Variants in ABHD15 observed in about 807,000 individuals in gnomAD.
The protein encoded by ABHD15 is abhydrolase domain containing 15, also known as protein ABHD15.
A neutral mutation model predicts 34.4 loss-of-function variants in ABHD15; 34 were observed. The ratio of observed to expected loss-of-function variants is 0.99; its 90% confidence interval spans 0.75 to 1.32. ABHD15 has a LOEUF of 1.32. Among genes scored for constraint, ABHD15 ranks in the 40% most tolerant of loss-of-function variants. The probability of loss-of-function intolerance (pLI) is 0.00; values close to 1 mark genes in which losing one functional copy is unlikely to be tolerated. For missense variants in ABHD15, 644 were observed against 650.4 expected (o/e 0.99, Z 0.11); for synonymous variants, 314 against 299.2 (o/e 1.05, Z -0.51).
At chr17:29,566,035 A>C (rs1257820475) in intron 1 of ABHD15, 51 bp downstream of exon 1, 3 of 1,504,178 alleles carry the variant, frequency 2.0e-6, no homozygotes, top group Non-Finnish European at 2.7e-6. Flanking sequence ...ATTCTTAGCC[A>C]GCTCAGGCCC....
At chr17:29,563,756 AG>A (rs2150789349) in intron 1 of ABHD15, among the ~76,000 whole-genome samples, 1 of 152,264 alleles carries the variant, frequency 6.6e-6, no homozygotes, top group Non-Finnish European at 1.5e-5. Flanking sequence ...GCTACTTGGG[AG>A]GCTGAGGCAG....
Position 29,566,298 on chromosome 17 carries a change from G to T in ABHD15, c.669C>A (p.Arg223=), listed in dbSNP as rs766462600. The change falls in exon 1 of 2, where the codon CGC becomes CGA. Residue 223 remains arginine (R), a synonymous_variant. Coordinates refer to ENST00000307201, the MANE Select transcript of ABHD15 (RefSeq NM_198147.3). ...SDLKEAVTYI[R]FRHPAAPLFA... ...ACAGCGGCGCCGCCGGGTGTCGGAAGCGGATGTATGTGACCGCCTCCTTGA... is the reference window on the plus strand; with the variant it reads ...ACAGCGGCGCCGCCGGGTGTCGGAATCGGATGTATGTGACCGCCTCCTTGA... 6.2e-7 allele frequency: 1 copy of T among 1,611,562 alleles called. No individual in the cohort carries two copies.
chr17:29,561,517 G>A lies in ABHD15; in HGVS notation c.*1044C>T, dbSNP rs990095033. The A allele has an allele frequency of 6.6e-6, 1 of 152,202 alleles. No individual in the cohort carries two copies. The highest frequency in any genetic ancestry group is 2.4e-5 in the African/African-American group (1 of 41,440). 9.4% of individuals were successfully genotyped at this position (152,202 alleles called of 1,614,324 possible). On this transcript the variant is annotated 3_prime_UTR_variant, in exon 2 of 2. Transcript: ENST00000307201. ...TTGAGCAGACGAAGCATTGGAATAT[G>A]AAATATTTGTAAATCACTGGTCAGC...
chr17:29,563,880 A>AT (rs1783791953), intron 1 of ABHD15, among the ~76,000 whole-genome samples: 1 of 152,162 alleles, frequency 6.6e-6, no homozygotes, highest in Admixed American at 6.5e-5. Context: ...AAATAAATAA[A>AT]TAAAATAATA....
At chr17:29,563,199 G>A in intron 1 of ABHD15, 113 bp from the exon 2 acceptor site, 1 of 1,211,104 alleles carries the variant, frequency 8.3e-7, no homozygotes, top group East Asian at 2.4e-5. Context: ...GTCCACAGAG[G>A]CTTTCTTTGG....
rs1423261400 is a variant in ABHD15, at chr17:29,564,729, C to A, written c.881+1357G>T. Among the ~76,000 whole-genome samples the A allele has an allele frequency of 5.3e-5, 8 of 152,266 alleles. No individual in the cohort carries two copies. The East Asian group carries it at 1.5e-3, about 29-fold the overall frequency. On this transcript the variant is annotated intron_variant, in intron 1 of 1. Transcript: ENST00000307201. ...ATTAACCGGGCATGGTGGCATGTGC[C>A]TGTAGTCTCAGCTACTCGGGAGGCT...
In ABHD15 at chr17:29,562,430, AAGAG is replaced by A; in HGVS notation, c.*127_*130del. The A allele has an allele frequency of 1.9e-6, 2 of 1,057,592 alleles. No individual in the cohort carries two copies. Among genetic ancestry groups the A allele is most frequent in the South Asian group, 3.3e-5 (2 of 59,760 alleles). The allele number at this position is 1,057,592 out of a possible 1,614,324, so 65.5% of individuals were successfully genotyped here. A position where few individuals can be genotyped will look rare whatever the true frequency, so the allele number is the denominator to read the frequency against. ...TCCTTCTCTTTCAAGGCACCAATTT[AAGAG>A]AGAGGGACTGAATGAGGAGCACAGA... On this transcript the variant is annotated 3_prime_UTR_variant, in exon 2 of 2. Transcript: ENST00000307201.
At chr17:29,563,158 G>A in intron 1 of ABHD15, 72 bp from the exon 2 acceptor site, 4 of 1,510,504 alleles carry the variant, frequency 2.6e-6, no homozygotes, top group Non-Finnish European at 3.6e-6. Flanking sequence ...GACAGCAGAT[G>A]AGACAGACAG....
chr17:29,566,204 A>C lies in ABHD15; in HGVS notation c.763T>G (p.Tyr255Asp). ...GAGATGCAGGCGGCGCCTGTCACGTAGCTGGAGGAGCCGCACTCGCCCAGG... is the reference window on the plus strand; with the variant it reads ...GAGATGCAGGCGGCGCCTGTCACGTCGCTGGAGGAGCCGCACTCGCCCAGG... ...SYLGECGSSS[Y>D]VTGAACISPV... The change falls in exon 1 of 2, where the codon TAC (tyrosine) becomes GAC (aspartate). Residue 255 changes from tyrosine (Y) to aspartate (D), a missense_variant. Tyr to Asp is a radical substitution (Grantham distance 160, BLOSUM62 -3). Transcript: ENST00000307201. The C allele has an allele frequency of 6.2e-7, 1 of 1,610,346 alleles. No individual in the cohort carries two copies. Among genetic ancestry groups the C allele is most frequent in the Non-Finnish European group, 8.5e-7 (1 of 1,178,434 alleles).
rs917997020 is a variant in ABHD15 at position 29,566,991 on chromosome 17, G to A, written c.-25C>T. The A allele has an allele frequency of 3.1e-6, 4 of 1,288,866 alleles. No homozygotes were observed. Among genetic ancestry groups the A allele is most frequent in the Middle Eastern group, 2.9e-4 (1 of 3,390 alleles). The allele number at this position is 1,288,866 out of a possible 1,614,324, so 79.8% of individuals were successfully genotyped here. The stretch of plus-strand genomic sequence containing the variant: ...TGGCGAAGCTGGAGAGCCCCGGCGG[G>A]CAGCGGGCGGCGGGGCCGTCTACTC... On this transcript the variant is annotated 5_prime_UTR_variant, in exon 1 of 2. Coordinates refer to ENST00000307201, the MANE Select transcript of ABHD15 (RefSeq NM_198147.3).
intron 1 of ABHD15, among the ~76,000 whole-genome samples, chr17:29,563,293 T>C (rs528512449): frequency 1.3e-5 from 2 of 151,016 alleles, no homozygotes; most frequent in East Asian, 3.9e-4. Context: ...ACGCCTGTAA[T>C]CCAAACACTC....
At chr17:29,563,427 T>C (rs952297850) in intron 1 of ABHD15, among the ~76,000 whole-genome samples, 3 of 149,898 alleles carry the variant, frequency 2.0e-5, no homozygotes, top group African/African-American at 7.4e-5. Flanking sequence ...GGTGGCTCAG[T>C]CCCAGCTATT....
chr17:29,565,480 A>C (rs1366980169), intron 1 of ABHD15, among the ~76,000 whole-genome samples: 1 of 151,994 alleles, frequency 6.6e-6, no homozygotes, highest in African/African-American at 2.4e-5. Flanking sequence ...GATGCATGCC[A>C]CCACACCCGG....
Position 29,566,417 on chromosome 17 carries a change from G to A in ABHD15, c.550C>T (p.Arg184Cys), listed in dbSNP as rs942606917. 3.7e-6 allele frequency: 6 copies of A among 1,612,000 alleles called. No individual in the cohort carries two copies. The highest frequency in any genetic ancestry group is 2.7e-5 in the African/African-American group (2 of 75,062). ...TGGAAGATGACCGGGTAGTAGCCGCGCTCCAGGGCGAGCAAGCAAAGGCCG... is the reference window on the plus strand; with the variant it reads ...TGGAAGATGACCGGGTAGTAGCCGCACTCCAGGGCGAGCAAGCAAAGGCCG... ...VLGLCLLALE[R>C]GYYPVIFHRR... The change falls in exon 1 of 2, where the codon CGC (arginine) becomes TGC (cysteine). Residue 184 changes from arginine to cysteine, a missense_variant. Physicochemically the swap from Arg to Cys is radical, Grantham distance 180. Transcript: ENST00000307201.
chr17:29,563,441 G>A (rs2032660448), intron 1 of ABHD15, among the ~76,000 whole-genome samples: 1 of 151,800 alleles, frequency 6.6e-6, no homozygotes, highest in Admixed American at 6.6e-5. Flanking sequence ...AGCTATTCAG[G>A]AGGCTGAGGT....
Position 29,562,906 on chromosome 17 carries a change from A to G in ABHD15, c.1062T>C (p.Cys354=), listed in dbSNP as rs1469691058. The change falls in exon 2 of 2, where the codon TGT becomes TGC. Residue 354 remains cysteine, a synonymous_variant. Transcript: ENST00000307201. ...DVDEAAVPVL[C]ICSADDPVCG... ...ACACGGGGTCGTCAGCACTGCAGATACACAGCACAGGCACGGCTGCCTCAT... is the reference window on the plus strand; with the variant it reads ...ACACGGGGTCGTCAGCACTGCAGATGCACAGCACAGGCACGGCTGCCTCAT... 5 of 1,614,136 alleles carry G rather than the reference A, an allele frequency of 3.1e-6. No individual in the cohort carries two copies. Among genetic ancestry groups the G allele is most frequent in the Middle Eastern group, 1.6e-4 (1 of 6,062 alleles).
intron 1 of ABHD15, among the ~76,000 whole-genome samples, chr17:29,563,494 TATG>T (rs1399502476): frequency 6.6e-6 from 1 of 151,968 alleles, no homozygotes; most frequent in Non-Finnish European, 1.5e-5. Context: ...TGCAGTGAGC[TATG>T]ATTGCACCAT....
intron 1 of ABHD15, among the ~76,000 whole-genome samples, chr17:29,563,900 G>T (rs1216902292): frequency 6.6e-6 from 1 of 152,154 alleles, no homozygotes; most frequent in East Asian, 1.9e-4. Flanking sequence ...AAAATTAGAA[G>T]ATTTCACATA....
chr17:29,566,270 C>G lies in ABHD15; in HGVS notation c.697G>C (p.Ala233Pro). ...RFRHPAAPLFAVSEGSGSALL... is the reference protein window; with the variant it reads ...RFRHPAAPLFPVSEGSGSALL... ...GCCGAGCCCGAGCCTTCGCTCACCG[C>G]GAACAGCGGCGCCGCCGGGTGTCGG... The change falls in exon 1 of 2, where the codon GCG (alanine) becomes CCG (proline). Residue 233 changes from alanine to proline, a missense_variant. By Grantham distance (27) the Ala-to-Pro change is conservative. Coordinates refer to ENST00000307201, the MANE Select transcript of ABHD15 (RefSeq NM_198147.3). The G allele has an allele frequency of 6.2e-7, 1 of 1,610,820 alleles. No individual in the cohort carries two copies. Among genetic ancestry groups the G allele is most frequent in the Non-Finnish European group, 8.5e-7 (1 of 1,178,944 alleles).
Sources: gnomAD v4.1 joint callset for allele counts (sites outside exome capture counted in the v4.1 genomes callset) on GRCh38, gnomAD v4.1.1 for gene constraint, MANE v1.5 for transcripts, NCBI Gene and HGNC (gene_info 2026-07-23, HGNC 2026-07-21) for gene names.